Variants in PRELID2 observed in about 807,000 individuals in gnomAD.
PRELID2 encodes the protein PRELI domain-containing protein 2.
In PRELID2, 25 loss-of-function variants were observed where a neutral mutation model predicts 28.4. That is an observed-to-expected ratio of 0.88 (90% CI 0.64 to 1.23). The LOEUF (loss-of-function observed/expected upper bound fraction) is 1.23, where lower values mean the gene tolerates loss of function less well. Ranked by LOEUF, PRELID2 falls within the 50% of genes most tolerant of loss-of-function variation. The pLI is 0.00. For synonymous variants in PRELID2, 76 were observed against 71.6 expected (o/e 1.06, Z -0.31); for missense variants, 201 against 214.4 (o/e 0.94, Z 0.39).
the PRELID2 span, among the ~76,000 whole-genome samples, chr5:145,251,982 C>G: frequency 6.6e-6 from 1 of 152,130 alleles, no homozygotes. Flanking sequence ...CCTTCCTTTT[C>G]TCTGTAGATA....
chr5:145,301,129 A>G, the PRELID2 span, among the ~76,000 whole-genome samples: 3 of 152,196 alleles, frequency 2.0e-5, no homozygotes, highest in East Asian at 1.9e-4. Context: ...TGTGAGGTTC[A>G]GTTGACCCAC....
the PRELID2 span, among the ~76,000 whole-genome samples, chr5:145,457,709 T>C: frequency 1.3e-5 from 2 of 152,304 alleles, no homozygotes; most frequent in South Asian, 4.1e-4. Context: ...AAAGCTTTTC[T>C]GTAATATGAT....
intron 5 of PRELID2, chr5:145,795,666 A>G (rs984549501): frequency 6.6e-6 from 1 of 152,210 alleles, no homozygotes; most frequent in Non-Finnish European, 1.5e-5. Context: ...GAGTATAATT[A>G]TCATCGTAAT....
At chr5:145,388,544 C>T in the PRELID2 span, among the ~76,000 whole-genome samples, 1 of 152,292 alleles carries the variant, frequency 6.6e-6, no homozygotes, top group East Asian at 1.9e-4. Context: ...AAACTTATTT[C>T]TCTAAATTCC....
At chr5:145,369,431 T>C in the PRELID2 span, among the ~76,000 whole-genome samples, 2 of 152,088 alleles carry the variant, frequency 1.3e-5, no homozygotes. Flanking sequence ...TTCATCCATG[T>C]TCCTGCAAAG....
intron 1 of PRELID2, among the ~76,000 whole-genome samples, chr5:145,673,663 A>G (rs1255679807): frequency 6.6e-6 from 1 of 150,980 alleles, no homozygotes; most frequent in Non-Finnish European, 1.5e-5. Context: ...TTGATTTGCT[A>G]GCAAACCAAA....
At chr5:145,357,467 C>T in the PRELID2 span, among the ~76,000 whole-genome samples, 1 of 151,934 alleles carries the variant, frequency 6.6e-6, no homozygotes, top group Non-Finnish European at 1.5e-5. Context: ...TTTTGCCTGC[C>T]TGACTTATTT....
chr5:145,642,891 C>A (rs1313591301), intron 1 of PRELID2, among the ~76,000 whole-genome samples: 1 of 152,170 alleles, frequency 6.6e-6, no homozygotes, highest in Non-Finnish European at 1.5e-5. Flanking sequence ...GTTTTGGTAC[C>A]AGTACCATGC....
chr5:145,592,426 A>G (rs1180199225), intron 1 of PRELID2, among the ~76,000 whole-genome samples: 2 of 151,854 alleles, frequency 1.3e-5, no homozygotes, highest in Non-Finnish European at 2.9e-5. Flanking sequence ...TCTCAAAAAA[A>G]AAATTGTATA....
At chr5:145,336,997 C>T in the PRELID2 span, among the ~76,000 whole-genome samples, 1 of 141,420 alleles carries the variant, frequency 7.1e-6, no homozygotes, top group African/African-American at 2.6e-5. Context: ...AGCTTTAGGG[C>T]ATATGCCTAA....
the PRELID2 span, among the ~76,000 whole-genome samples, chr5:145,329,972 G>A: frequency 6.6e-6 from 1 of 152,102 alleles, no homozygotes; most frequent in East Asian, 1.9e-4. Context: ...CTAGTTTATT[G>A]AGAGTTTTTG....
chr5:145,229,519 G>T, the PRELID2 span: 2 of 1,410,856 alleles, frequency 1.4e-6, no homozygotes, highest in East Asian at 4.6e-5. Flanking sequence ...TCCCCGTGAG[G>T]GTGACCAGCG....
intron 1 of PRELID2, among the ~76,000 whole-genome samples, chr5:145,500,004 C>T (rs1752345688): frequency 6.6e-6 from 1 of 152,160 alleles, no homozygotes; most frequent in Admixed American, 6.5e-5. Flanking sequence ...GTCATTTAAC[C>T]TCCTGGTGCT....
chr5:145,559,186 C>T (rs545371771), intron 1 of PRELID2, among the ~76,000 whole-genome samples: 1 of 150,918 alleles, frequency 6.6e-6, no homozygotes, highest in Admixed American at 6.6e-5. Context: ...ACCCGGGAGG[C>T]GGAGCTGGCA....
At chr5:145,723,864 C>A (rs1357362272) in intron 1 of PRELID2, among the ~76,000 whole-genome samples, 3 of 152,090 alleles carry the variant, frequency 2.0e-5, no homozygotes, top group Non-Finnish European at 4.4e-5. Context: ...ATATATATCT[C>A]CAACAATAAG....
intron 5 of PRELID2, among the ~76,000 whole-genome samples, chr5:145,767,046 T>C (rs1174721895): frequency 6.6e-6 from 1 of 152,118 alleles, no homozygotes; most frequent in African/African-American, 2.4e-5. Context: ...CCCTCAAGCC[T>C]GGACCTGTGG....
chr5:145,229,804 AGT>A, the PRELID2 span: 2 of 759,120 alleles, frequency 2.6e-6, no homozygotes, highest in Non-Finnish European at 4.8e-6. Context: ...CATAGCCCTG[AGT>A]GTGAATTTGT....
At chr5:145,691,399 C>T (rs1755146227) in intron 1 of PRELID2, among the ~76,000 whole-genome samples, 1 of 152,122 alleles carries the variant, frequency 6.6e-6, no homozygotes, top group Non-Finnish European at 1.5e-5. Context: ...GAATCCCACA[C>T]AGCTTCAGTA....
rs996917679 is a variant in PRELID2, at chr5:145,758,729, G to GA, written c.*1806dup. On this transcript the variant is annotated 3_prime_UTR_variant, in exon 7 of 7. Coordinates refer to ENST00000683046, the MANE Select transcript of PRELID2 (RefSeq NM_205846.3). ...CCTACCAAATGCCATCTACAAATTG[G>GA]AAAAAAAAGGTCAAAGTGTGTTTTA... 3.3e-5 allele frequency among the ~76,000 whole-genome samples: 5 copies of GA among 151,374 alleles called. No homozygotes were observed. The highest frequency in any genetic ancestry group is 2.1e-4 in the South Asian group (1 of 4,800).
Sources: allele counts gnomAD v4.1 joint callset (sites outside exome capture counted in the v4.1 genomes callset), GRCh38; gene constraint gnomAD v4.1.1; transcripts MANE v1.5; gene names NCBI Gene and HGNC (gene_info 2026-07-23, HGNC 2026-07-21).